The following GLIS3 variants were observed in gnomAD, a reference collection of about 807,000 sequenced individuals.
GLIS3 encodes the protein GLIS family zinc finger 3.
In GLIS3, 53 loss-of-function variants were observed where a neutral mutation model predicts 78.6. The observed-to-expected ratio is 0.67, with a 90% CI of 0.54 to 0.85. GLIS3 has a LOEUF of 0.85. Among genes scored for constraint, GLIS3 ranks in the 40% least tolerant of loss-of-function variants. The pLI is 0.00. For missense variants in GLIS3, 1,703 were observed against 1,231.1 expected, an observed-to-expected ratio of 1.38 and a Z score of -5.74; for synonymous variants, 684 against 509.9, an observed-to-expected ratio of 1.34 and a Z score of -4.60.
At chr9:3,913,447 AGCTTCGTGTG>A (rs1288923703) in intron 6 of GLIS3, among the ~76,000 whole-genome samples, 3 of 152,200 alleles carry the variant, frequency 2.0e-5, no homozygotes, top group African/African-American at 7.2e-5. Context: ...GCTCTCACCT[AGCTTCGTGTG>A]GCTTCATGTC....
chr9:4,093,559 T>C (rs904189908), intron 4 of GLIS3, among the ~76,000 whole-genome samples: 1 of 152,200 alleles, frequency 6.6e-6, no homozygotes, highest in Non-Finnish European at 1.5e-5. Context: ...TTCTAGCACA[T>C]TTTAAACTGG....
At chr9:3,878,202 C>T (rs907762498) in intron 8 of GLIS3, among the ~76,000 whole-genome samples, 3 of 152,048 alleles carry the variant, frequency 2.0e-5, no homozygotes, top group African/African-American at 2.4e-5. Context: ...CCCTCACCCC[C>T]GAGACAGATT....
chr9:3,990,292 C>G (rs1011604974), intron 4 of GLIS3, among the ~76,000 whole-genome samples: 1 of 152,150 alleles, frequency 6.6e-6, no homozygotes, highest in Non-Finnish European at 1.5e-5. Flanking sequence ...ATATTAGAAT[C>G]ATTCCGGAGG....
At chr9:4,337,367 G>A (rs1239839162) in intron 2 of GLIS3, among the ~76,000 whole-genome samples, 2 of 152,200 alleles carry the variant, frequency 1.3e-5, no homozygotes, top group African/African-American at 4.8e-5. Context: ...TAGATAGTAT[G>A]CAGCTATTAA....
chr9:4,126,500 T>A (rs1832595818), intron 2 of GLIS3, among the ~76,000 whole-genome samples: 1 of 152,174 alleles, frequency 6.6e-6, no homozygotes, highest in African/African-American at 2.4e-5. Flanking sequence ...AATATCAGGA[T>A]GAGAGAGTTG....
chr9:4,121,055 G>C (rs1320272940), intron 3 of GLIS3, among the ~76,000 whole-genome samples: 1 of 152,160 alleles, frequency 6.6e-6, no homozygotes, highest in African/African-American at 2.4e-5. Flanking sequence ...ATATTTTTCA[G>C]AAAGCAAATT....
intron 4 of GLIS3, among the ~76,000 whole-genome samples, chr9:4,082,840 C>A (rs1003375763): frequency 6.6e-6 from 1 of 152,200 alleles, no homozygotes; most frequent in Non-Finnish European, 1.5e-5. Flanking sequence ...ACTTTCGAAA[C>A]AGACTTAAGA....
At chr9:4,319,458 A>C (rs1817488665) in intron 2 of GLIS3, among the ~76,000 whole-genome samples, 1 of 152,200 alleles carries the variant, frequency 6.6e-6, no homozygotes, top group Non-Finnish European at 1.5e-5. Context: ...CGTTTTTCTA[A>C]GAAATGATTT....
chr9:4,054,629 C>T (rs971549407), intron 4 of GLIS3: 2 of 286,664 alleles, frequency 7.0e-6, no homozygotes, highest in African/African-American at 4.6e-5. Context: ...GTCATTCTTC[C>T]TGAAACTTGA....
intron 2 of GLIS3, among the ~76,000 whole-genome samples, chr9:4,334,826 A>C (rs1817733394): frequency 6.6e-6 from 1 of 151,670 alleles, no homozygotes; most frequent in South Asian, 2.1e-4. Flanking sequence ...AAGCATGCCC[A>C]GCCATGGGCA....
intron 6 of GLIS3, among the ~76,000 whole-genome samples, chr9:3,922,055 T>C (rs1179568635): frequency 6.6e-6 from 1 of 152,178 alleles, no homozygotes; most frequent in Non-Finnish European, 1.5e-5. Context: ...TGGCAATATG[T>C]TGTAAGGAAT....
At chr9:4,485,751 G>A in the GLIS3 span, among the ~76,000 whole-genome samples, 37 of 141,608 alleles carry the variant, frequency 2.6e-4, no homozygotes, top group East Asian at 4.7e-3. Context: ...AGTTTTGTTC[G>A]CTCTTGTTGC....
intron 2 of GLIS3, among the ~76,000 whole-genome samples, chr9:4,158,250 A>G (rs1835189240): frequency 6.6e-6 from 1 of 152,162 alleles, no homozygotes; most frequent in South Asian, 2.1e-4. Context: ...TATTGGAAAG[A>G]CGAGCTTTTA....
At chr9:4,045,332 T>C (rs1035509964) in intron 4 of GLIS3, among the ~76,000 whole-genome samples, 5 of 150,938 alleles carry the variant, frequency 3.3e-5, no homozygotes, top group East Asian at 3.9e-4. Context: ...CTTTTTGCTA[T>C]AAAAATGAAA....
In GLIS3 at chr9:4,015,888, C is replaced by CAAA. The variant is rs1049791263; in HGVS notation, c.1711-78702_1711-78700dup. ...TGAGTGACAGAGCGAGACTCTGTCT[C>CAAA]AAAAAAAAAAAAAAAAAAAAAAAAG... On this transcript the variant is annotated intron_variant, in intron 4 of 10. Transcript: ENST00000381971. Among the ~76,000 whole-genome samples, 278 of 32,162 alleles carry CAAA rather than the reference C, an allele frequency of 8.6e-3. 13 individuals carry two copies. Among genetic ancestry groups the CAAA allele is most frequent in the African/African-American group, 0.026 (255 of 9,634 alleles). The allele number at this position is 32,162 out of a possible 152,430, so 21.1% of individuals were successfully genotyped here. A position where few individuals can be genotyped will look rare whatever the true frequency, so the allele number is the denominator to read the frequency against.
intron 2 of GLIS3, among the ~76,000 whole-genome samples, chr9:4,196,772 GAGACCA>G (rs1172459716): frequency 6.6e-6 from 1 of 152,192 alleles, no homozygotes; most frequent in African/African-American, 2.4e-5. Flanking sequence ...TTAAGTCAGT[GAGACCA>G]AGAACCCCCC....
rs868781514 is a variant in GLIS3, at chr9:4,056,856, A to T, written c.1710+60912T>A. On this transcript the variant is annotated intron_variant, in intron 4 of 10. Transcript: ENST00000381971. ...GCAGCCGACTAATTGCCCAAATAAGATCATCTTTGGGTAATAGAAAAAGCT... is the reference window on the plus strand; with the variant it reads ...GCAGCCGACTAATTGCCCAAATAAGTTCATCTTTGGGTAATAGAAAAAGCT... Among the ~76,000 whole-genome samples the T allele has an allele frequency of 1.8e-4, 27 of 150,264 alleles. 1 individual carries two copies. In the Middle Eastern group the frequency reaches 0.01, roughly 57 times the overall value.
chr9:4,193,195 A>G (rs1186136674), intron 2 of GLIS3, among the ~76,000 whole-genome samples: 1 of 152,378 alleles, frequency 6.6e-6, no homozygotes, highest in African/African-American at 2.4e-5. Flanking sequence ...GTATGGCCCT[A>G]TGGGCTAAGA....
chr9:4,033,441 T>A (rs1588497636), intron 4 of GLIS3, among the ~76,000 whole-genome samples: 1 of 152,118 alleles, frequency 6.6e-6, no homozygotes, highest in East Asian at 1.9e-4. Context: ...CACAGCAAGG[T>A]CTAGAAGGAG....
Sources: allele counts gnomAD v4.1 joint callset (sites outside exome capture counted in the v4.1 genomes callset), GRCh38; gene constraint gnomAD v4.1.1; transcripts MANE v1.5; gene names NCBI Gene and HGNC (gene_info 2026-07-23, HGNC 2026-07-21).